TENM2: variants seen among roughly 807,000 people sequenced by gnomAD.
The protein encoded by TENM2 is teneurin transmembrane protein 2, also known as teneurin-2.
In TENM2, 52 loss-of-function variants were observed where a neutral mutation model predicts 245.2. The observed-to-expected ratio is 0.21, with a 90% CI of 0.17 to 0.27. The LOEUF (loss-of-function observed/expected upper bound fraction) is 0.27. Ranked by LOEUF, TENM2 falls within the 10% of genes least tolerant of loss-of-function variation. TENM2 has a pLI of 1.00. For synonymous variants in TENM2, 1,363 were observed against 1,438.9 expected (o/e 0.95, Z 1.19); for missense variants, 3,046 against 3,666.8 (o/e 0.83, Z 4.37).
chr5:167,454,452 C>CTGTGTGTGTGTGTG (rs5873036), intron 2 of TENM2, among the ~76,000 whole-genome samples: 1 of 150,596 alleles, frequency 6.6e-6, no homozygotes, highest in Admixed American at 6.6e-5. Flanking sequence ...CTAGAAATAA[C>CTGTGTGTGTGTGTG]TGTGTGTGTG....
At chr5:167,177,695 G>A in the TENM2 span, among the ~76,000 whole-genome samples, 5 of 152,190 alleles carry the variant, frequency 3.3e-5, no homozygotes, top group African/African-American at 7.2e-5. Flanking sequence ...CCCCATATTC[G>A]TGTCAGGGAA....
At chr5:167,823,784 A>G (rs933484433) in intron 2 of TENM2, among the ~76,000 whole-genome samples, 1 of 152,160 alleles carries the variant, frequency 6.6e-6, no homozygotes, top group Non-Finnish European at 1.5e-5. Context: ...TATCCTAAAT[A>G]GCCACAGATA....
intron 3 of TENM2, among the ~76,000 whole-genome samples, chr5:167,918,197 A>G (rs2151620333): frequency 6.6e-6 from 1 of 152,230 alleles, no homozygotes; most frequent in Admixed American, 6.5e-5. Flanking sequence ...TTCTCTTTTT[A>G]TGAAAGCTTA....
intron 2 of TENM2, among the ~76,000 whole-genome samples, chr5:167,432,530 T>C (rs1439444572): frequency 4.0e-5 from 6 of 151,782 alleles, no homozygotes; most frequent in Non-Finnish European, 7.4e-5. Flanking sequence ...GCTTATTTTA[T>C]TTTGATTCCA....
the TENM2 span, among the ~76,000 whole-genome samples, chr5:167,118,125 A>G: frequency 6.6e-6 from 1 of 152,212 alleles, no homozygotes; most frequent in African/African-American, 2.4e-5. Flanking sequence ...GACTATTCAT[A>G]GTTATTCATA....
At chr5:167,618,911 A>AG (rs1777973762) in intron 2 of TENM2, among the ~76,000 whole-genome samples, 1 of 152,126 alleles carries the variant, frequency 6.6e-6, no homozygotes, top group African/African-American at 2.4e-5. Flanking sequence ...TAGGGAGTTT[A>AG]GGCAGTTCAG....
At chr5:167,817,058 G>C (rs976870309) in intron 2 of TENM2, among the ~76,000 whole-genome samples, 1 of 152,186 alleles carries the variant, frequency 6.6e-6, no homozygotes, top group African/African-American at 2.4e-5. Context: ...CGTAATTCAT[G>C]TTCCAACTGG....
upstream of TENM2, among the ~76,000 whole-genome samples, chr5:167,280,756 G>GTCTATCTA (rs70976408): frequency 1.1e-3 from 163 of 145,982 alleles, no homozygotes; most frequent in Non-Finnish European, 1.5e-3. Flanking sequence ...CTATCTGTCT[G>GTCTATCTA]TCTATCTATC....
At chr5:167,304,376 C>G (rs977751547) in intron 1 of TENM2, among the ~76,000 whole-genome samples, 13 of 152,224 alleles carry the variant, frequency 8.5e-5, no homozygotes, top group Non-Finnish European at 1.6e-4. Context: ...CCCCAGTAAA[C>G]TACTTGTTCA....
chr5:167,645,589 C>CTT (rs11299140), intron 2 of TENM2, among the ~76,000 whole-genome samples: 1 of 136,388 alleles, frequency 7.3e-6, no homozygotes, highest in Non-Finnish European at 1.6e-5. Flanking sequence ...CTAGTTTTTC[C>CTT]TTTTTTTTTT....
At position 167,350,645 on chromosome 5, in the gene TENM2, C is replaced by T. The variant is rs996675107; in HGVS notation, c.227-24553C>T. On this transcript the variant is annotated intron_variant, in intron 1 of 28. Coordinates refer to ENST00000518659, the Ensembl canonical transcript of TENM2. The stretch of plus-strand genomic sequence containing the variant: ...TATGTGGATATATATATATGGGATA[C>T]GTATATGGATATATATATGGGATAC... Among the ~76,000 whole-genome samples, 9 of 132,772 alleles carry T rather than the reference C, an allele frequency of 6.8e-5. No individual in the cohort carries two copies. In the East Asian group the frequency reaches 8.8e-4, roughly 13 times the overall value. 87.1% of individuals were successfully genotyped at this position (132,772 alleles called of 152,430 possible). A position where few individuals can be genotyped will look rare whatever the true frequency, so the allele number is the denominator to read the frequency against.
At chr5:167,719,558 CAGGCAAT>C (rs1448518657) in intron 2 of TENM2, among the ~76,000 whole-genome samples, 6 of 152,206 alleles carry the variant, frequency 3.9e-5, no homozygotes, top group African/African-American at 1.4e-4. Context: ...TGCAGAATGA[CAGGCAAT>C]TAATAGCCTA....
intron 2 of TENM2, among the ~76,000 whole-genome samples, chr5:167,476,229 A>T (rs1767363246): frequency 6.6e-6 from 1 of 152,212 alleles, no homozygotes; most frequent in South Asian, 2.1e-4. Context: ...AGTTTCTTAA[A>T]GACTATTTAC....
intron 1 of TENM2, among the ~76,000 whole-genome samples, chr5:167,351,146 A>G (rs1037755811): frequency 1.5e-5 from 2 of 134,376 alleles, no homozygotes; most frequent in Non-Finnish European, 3.2e-5. Context: ...GGATATATAC[A>G]TATGGATTAT....
intron 5 of TENM2, among the ~76,000 whole-genome samples, chr5:168,006,762 C>T (rs183344832): frequency 2.6e-5 from 4 of 152,302 alleles, no homozygotes; most frequent in East Asian, 1.9e-4. Context: ...AAAACAGTGA[C>T]GTGCTGCCTG....
intron 21 of TENM2, among the ~76,000 whole-genome samples, chr5:168,215,825 A>C (rs1295922516): frequency 6.6e-6 from 1 of 152,248 alleles, no homozygotes; most frequent in Non-Finnish European, 1.5e-5. Flanking sequence ...CCACAGTGCC[A>C]GCTGTGTGGG....
intron 2 of TENM2, among the ~76,000 whole-genome samples, chr5:167,667,527 A>G (rs766507639): frequency 6.6e-6 from 1 of 152,204 alleles, no homozygotes; most frequent in Non-Finnish European, 1.5e-5. Context: ...TAGACAAACC[A>G]TAGGTCATCC....
At chr5:167,079,317 G>GTA in the TENM2 span, among the ~76,000 whole-genome samples, 3 of 147,048 alleles carry the variant, frequency 2.0e-5, no homozygotes, top group Non-Finnish European at 3.0e-5. Context: ...ATAATATAAT[G>GTA]TATATATATA....
At chr5:167,281,071 T>C (rs988227139), upstream of TENM2, among the ~76,000 whole-genome samples, 2 of 151,980 alleles carry the variant, frequency 1.3e-5, no homozygotes, top group African/African-American at 2.4e-5. Context: ...CAGATTTTCA[T>C]ATATAATTCT....
Sources: gnomAD v4.1 joint callset for allele counts (sites outside exome capture counted in the v4.1 genomes callset) on GRCh38, gnomAD v4.1.1 for gene constraint, MANE v1.5 for transcripts, NCBI Gene and HGNC (gene_info 2026-07-23, HGNC 2026-07-21) for gene names.